The following ABCB7 variants were observed in gnomAD, a reference collection of about 807,000 sequenced individuals.
ABCB7 encodes the protein ATP binding cassette subfamily B member 7.
Under a neutral mutation model 54.4 loss-of-function variants are expected in ABCB7, and 7 were observed. The observed-to-expected ratio is 0.13, with a 90% CI of 0.07 to 0.24. The LOEUF is 0.24. ABCB7 is among the 10% of genes least tolerant of loss of function. The probability of loss-of-function intolerance (pLI) is 1.00; values close to 1 mark genes in which losing one functional copy is unlikely to be tolerated. For synonymous variants in ABCB7, 218 were observed against 207.1 expected (o/e 1.05, Z -0.45); for missense variants, 356 against 570.4 (o/e 0.62, Z 3.83).
In ABCB7 at chrX:75,053,240, CTTTTAAATAAATCT is replaced by C. The variant is rs2081209107; in HGVS notation, c.*116_*129del. On this transcript the variant is annotated 3_prime_UTR_variant, in exon 16 of 16. Transcript: ENST00000373394. ...ATGAAAGATGTAAAACTCAAATCCC[CTTTTAAATAAATCT>C]TATCTAAAAGAAGGATTATAGAAAA... 1.1e-6 allele frequency: 1 copy of C among 898,138 alleles called. No individual in the cohort carries two copies. Among genetic ancestry groups the C allele is most frequent in the Admixed American group, 3.3e-5 (1 of 30,244 alleles). 74.0% of individuals were successfully genotyped at this position (898,138 alleles called of 1,213,427 possible). A position where few individuals can be genotyped will look rare whatever the true frequency, so the allele number is the denominator to read the frequency against.
intron 1 of ABCB7, among the ~76,000 whole-genome samples, chrX:75,155,616 G>C (rs929618930): frequency 9.0e-6 from 1 of 111,529 alleles, no homozygotes; most frequent in Admixed American, 9.5e-5. Flanking sequence ...GGCCTATCAA[G>C]AAGCACGCCT....
chrX:75,105,546 T>C (rs190428413), intron 3 of ABCB7, among the ~76,000 whole-genome samples: 713 of 111,172 alleles, frequency 6.4e-3, no homozygotes, highest in Non-Finnish European at 9.8e-3. Flanking sequence ...AACTCAAGGA[T>C]TGAAAGAATC....
intron 1 of ABCB7, among the ~76,000 whole-genome samples, chrX:75,121,811 A>C (rs2081881399): frequency 8.9e-6 from 1 of 112,244 alleles, no homozygotes; most frequent in African/African-American, 3.2e-5. Context: ...ACACTTATTA[A>C]CCTTCCAGAT....
At chrX:75,094,861 TTG>T (rs1490233888) in intron 4 of ABCB7, among the ~76,000 whole-genome samples, 1 of 111,113 alleles carries the variant, frequency 9.0e-6, no homozygotes, top group African/African-American at 3.3e-5. Flanking sequence ...CACTTTGTTT[TTG>T]TCTCTCTTGG....
In ABCB7 at chrX:75,051,848, C is replaced by T. The variant is rs1276187716; in HGVS notation, c.*1522G>A. Reference sequence around the variant, plus strand: ...TGTGAGCATGTGCATACATGCACGACATCCCATTTACTTGTTTCTTTGTAA... The same window carrying T: ...TGTGAGCATGTGCATACATGCACGATATCCCATTTACTTGTTTCTTTGTAA... On this transcript the variant is annotated 3_prime_UTR_variant, in exon 16 of 16. Transcript: ENST00000373394. 8.9e-6 allele frequency: 1 copy of T among 112,495 alleles called. No individual in the cohort carries two copies. Among genetic ancestry groups the T allele is most frequent in the African/African-American group, 3.2e-5 (1 of 30,999 alleles). The allele number at this position is 112,495 out of a possible 1,213,427, so 9.3% of individuals were successfully genotyped here. A position where few individuals can be genotyped will look rare whatever the true frequency, so the allele number is the denominator to read the frequency against.
At chrX:75,096,703 T>C (rs1426230512) in intron 4 of ABCB7, among the ~76,000 whole-genome samples, 2 of 111,092 alleles carry the variant, frequency 1.8e-5, no homozygotes, top group African/African-American at 6.5e-5. Flanking sequence ...AAAACCAAGA[T>C]CTTCATTTTC....
rs369752323 is a variant in ABCB7, at chrX:75,131,720, T to C, written c.169-16889A>G. ...AACCTCCAGCATAGCATAGCTGCCT[T>C]ATGTAAAAGTGGCCAGTCTGTTCTC... is the stretch of plus-strand genomic sequence containing the variant. On this transcript the variant is annotated intron_variant, in intron 1 of 15. Transcript: ENST00000373394. 9.0e-5 allele frequency among the ~76,000 whole-genome samples: 10 copies of C among 111,327 alleles called. No homozygotes were observed. In the South Asian group the frequency reaches 3.1e-3, roughly 34 times the overall value.
chrX:75,115,096 C>T (rs1464928193), intron 1 of ABCB7, among the ~76,000 whole-genome samples: 1 of 107,744 alleles, frequency 9.3e-6, no homozygotes, highest in African/African-American at 3.4e-5. Flanking sequence ...GGTGAAACCC[C>T]GTCTCTACCA....
intron 4 of ABCB7, among the ~76,000 whole-genome samples, chrX:75,078,050 A>C (rs1235775657): frequency 9.2e-6 from 1 of 109,077 alleles, no homozygotes; most frequent in African/African-American, 3.3e-5. Context: ...AGTAGCTGAG[A>C]TTACAGGCAT....
chrX:75,119,087 T>C (rs2081850208), intron 1 of ABCB7, among the ~76,000 whole-genome samples: 1 of 112,095 alleles, frequency 8.9e-6, no homozygotes, highest in Non-Finnish European at 1.9e-5. Flanking sequence ...GGTTTAATAA[T>C]AACAAAAGTT....
At chrX:75,144,674 T>C (rs1244933913) in intron 1 of ABCB7, among the ~76,000 whole-genome samples, 2 of 109,678 alleles carry the variant, frequency 1.8e-5, no homozygotes, top group Non-Finnish European at 3.8e-5. Context: ...GTTTGTACTG[T>C]TTTTGTAATT....
chrX:75,154,943 T>C (rs1036342494), intron 1 of ABCB7, among the ~76,000 whole-genome samples: 2 of 112,572 alleles, frequency 1.8e-5, no homozygotes, highest in African/African-American at 6.5e-5. Flanking sequence ...ACATGCTTAG[T>C]GTCATTCCCT....
chrX:75,124,853 G>C (rs1326298684), intron 1 of ABCB7, among the ~76,000 whole-genome samples: 1 of 111,411 alleles, frequency 9.0e-6, no homozygotes, highest in Non-Finnish European at 1.9e-5. Flanking sequence ...GGAATGATGA[G>C]ATAATGTAAT....
At chrX:75,114,710 C>G (rs968760247) in intron 2 of ABCB7, 44 bp downstream of exon 2, 30 of 1,105,801 alleles carry the variant, frequency 2.7e-5, no homozygotes, top group Non-Finnish European at 3.6e-5. Context: ...CAAGGGTTTA[C>G]AGGTTTTTCC....
Position 75,076,526 on chromosome X carries a change from A to T in ABCB7, c.582T>A (p.Ile194=), listed in dbSNP as rs183590135. The part of the protein sequence containing the change: ...TVATMATAVL[I]GYGVSRAGAA... ...AGATTAAAGAATCACACATACAGCC[A>T]ATCAGAACTGCTGTTGCCATGGTTG... The change falls in exon 5 of 16, where the codon ATT becomes ATA. Residue 194 remains isoleucine (I), a synonymous_variant. Transcript: ENST00000373394. 1.7e-6 allele frequency: 2 copies of T among 1,209,454 alleles called. No homozygotes were observed. The highest frequency in any genetic ancestry group is 4.4e-5 in the Admixed American group (2 of 45,760).
intron 14 of ABCB7, 68 bp from the exon 15 acceptor site, chrX:75,060,398 A>T: frequency 1.2e-6 from 1 of 850,036 alleles, no homozygotes; most frequent in Non-Finnish European, 1.7e-6. Context: ...AATGTAAATT[A>T]AAATAATCAT....
intron 4 of ABCB7, among the ~76,000 whole-genome samples, chrX:75,079,297 A>C (rs1046269276): frequency 1.8e-5 from 2 of 111,715 alleles, no homozygotes; most frequent in African/African-American, 6.5e-5. Flanking sequence ...AATATGCCAT[A>C]TATGTTAAAA....
At position 75,069,123 on chromosome X, in the gene ABCB7, C is replaced by T; in HGVS notation, c.1543G>A (p.Val515Met). 4 of 1,210,730 alleles carry T rather than the reference C, an allele frequency of 3.3e-6. No individual in the cohort carries two copies. Among genetic ancestry groups the T allele is most frequent in the African/African-American group, 1.7e-5 (1 of 57,760 alleles). The change falls in exon 12 of 16, where the codon GTG becomes ATG. Residue 515 changes from valine (V) to methionine (M), a missense_variant. Val to Met is a conservative substitution (Grantham distance 21). This residue lies in a region of ABCB7 where 241 missense variants were observed against 470.9 expected (regional missense o/e 0.51). Transcript: ENST00000373394. ...TCATAGAAGCGAAATAATAGCCTCACTATTGTGCTTTTCCTGAAATTGGAG... is the reference window on the plus strand; with the variant it reads ...TCATAGAAGCGAAATAATAGCCTCATTATTGTGCTTTTCCTGAAATTGGAG... ...GGSGSGKSTI[V>M]RLLFRFYEPQ...
intron 1 of ABCB7, among the ~76,000 whole-genome samples, chrX:75,136,925 T>A (rs1300034853): frequency 8.9e-6 from 1 of 111,931 alleles, no homozygotes; most frequent in Non-Finnish European, 1.9e-5. Context: ...CCCAAAACTA[T>A]AAACTCTGGA....
Sources: allele counts gnomAD v4.1 joint callset (sites outside exome capture counted in the v4.1 genomes callset), GRCh38; gene constraint gnomAD v4.1.1; regional missense constraint gnomAD v4.1.1; transcripts MANE v1.5; gene names NCBI Gene and HGNC (gene_info 2026-07-23, HGNC 2026-07-21).